Variants in KLRG1 observed in about 807,000 individuals in gnomAD.
KLRG1 encodes killer cell lectin-like receptor subfamily G member 1.
In KLRG1, 16 loss-of-function variants were observed where a neutral mutation model predicts 21.8. The ratio of observed to expected loss-of-function variants is 0.73; its 90% CI spans 0.50 to 1.11. The LOEUF (loss-of-function observed/expected upper bound fraction) is 1.11, where lower values mean the gene tolerates loss of function less well. Ranked by LOEUF, KLRG1 falls within the 50% of genes most tolerant of loss-of-function variation. The pLI, the probability that KLRG1 is intolerant of heterozygous loss-of-function variation, is 0.00. For synonymous variants in KLRG1, 69 were observed against 75.9 expected, an observed-to-expected ratio of 0.91 and a Z score of 0.47; for missense variants, 173 against 218.3, an observed-to-expected ratio of 0.79 and a Z score of 1.31.
At chr12:9,160,110 A>C in the KLRG1 span, 6 of 1,337,062 alleles carry the variant, frequency 4.5e-6, no homozygotes, top group Non-Finnish European at 6.4e-6. Flanking sequence ...TCCAGGCGCC[A>C]TGGACATTTT....
At chr12:9,015,346 G>T (rs758354797), downstream of KLRG1, among the ~76,000 whole-genome samples, 2 of 152,072 alleles carry the variant, frequency 1.3e-5, no homozygotes, top group Non-Finnish European at 2.9e-5. Context: ...ACCAAAAAGA[G>T]CAGGACTGGC....
chr12:8,981,318 A>G (rs1946751390), intron 1 of KLRG1, among the ~76,000 whole-genome samples: 1 of 150,058 alleles, frequency 6.7e-6, no homozygotes, highest in Non-Finnish European at 1.5e-5. Flanking sequence ...GTTTTAATTT[A>G]CTCTTCTTTT....
the KLRG1 span, among the ~76,000 whole-genome samples, chr12:9,042,196 T>G: frequency 6.6e-6 from 1 of 152,208 alleles, no homozygotes; most frequent in African/African-American, 2.4e-5. Flanking sequence ...TGTGATAAGG[T>G]AAAGATGGAG....
chr12:9,113,447 A>T, the KLRG1 span: 1 of 1,613,910 alleles, frequency 6.2e-7, no homozygotes, highest in South Asian at 1.1e-5. Context: ...CCAAGGAAGC[A>T]CTTACAGTCA....
At chr12:9,127,149 C>G in the KLRG1 span, among the ~76,000 whole-genome samples, 4 of 152,184 alleles carry the variant, frequency 2.6e-5, no homozygotes, top group African/African-American at 7.2e-5. Flanking sequence ...GAATGTCTGT[C>G]CAGTCCTCCT....
chr12:9,185,063 G>C, the KLRG1 span, among the ~76,000 whole-genome samples: 33 of 152,284 alleles, frequency 2.2e-4, no homozygotes, highest in Admixed American at 1.8e-3. Context: ...TCCAGCAAGG[G>C]TTCTTAATAG....
At chr12:9,180,478 C>T in the KLRG1 span, among the ~76,000 whole-genome samples, 2 of 152,136 alleles carry the variant, frequency 1.3e-5, no homozygotes, top group African/African-American at 4.8e-5. Flanking sequence ...CAGAACAGAG[C>T]CCTCAGAAAT....
chr12:8,958,846 T>C (rs1219139576), intron 1 of KLRG1, among the ~76,000 whole-genome samples: 1 of 138,132 alleles, frequency 7.2e-6, no homozygotes, highest in Non-Finnish European at 1.6e-5. Context: ...AACAGAGTGA[T>C]ACCCTGTATC....
At chr12:9,011,381 T>C (rs117686571), downstream of KLRG1, among the ~76,000 whole-genome samples, 388 of 152,346 alleles carry the variant, frequency 2.5e-3, 1 homozygote, top group Middle Eastern at 0.01. Flanking sequence ...AAATAAAGTT[T>C]GGTAAAACTA....
the KLRG1 span, among the ~76,000 whole-genome samples, chr12:9,094,375 A>ATAT: frequency 7.3e-6 from 1 of 136,300 alleles, no homozygotes; most frequent in African/African-American, 2.7e-5. Context: ...ATATATATAT[A>ATAT]CCTATACATG....
chr12:9,090,177 T>C, the KLRG1 span, among the ~76,000 whole-genome samples: 2 of 152,178 alleles, frequency 1.3e-5, no homozygotes, highest in African/African-American at 2.4e-5. Context: ...TGAATGATAC[T>C]GAGAATTCAA....
chr12:9,166,065 A>C, the KLRG1 span: 9 of 1,606,284 alleles, frequency 5.6e-6, no homozygotes, highest in Non-Finnish European at 7.6e-6. Context: ...ACTGCCACCA[A>C]CTCCCAGATC....
At chr12:9,112,822 C>G in the KLRG1 span, 1 of 388,310 alleles carries the variant, frequency 2.6e-6, no homozygotes, top group African/African-American at 2.0e-5. Context: ...CTGAGCTTTA[C>G]CAGGCTGATA....
chr12:9,122,512 A>G, the KLRG1 span, among the ~76,000 whole-genome samples: 1 of 152,228 alleles, frequency 6.6e-6, no homozygotes, highest in African/African-American at 2.4e-5. Context: ...TAATGAGGCT[A>G]ACAACAATAG....
the KLRG1 span, among the ~76,000 whole-genome samples, chr12:9,049,733 C>T: frequency 6.6e-6 from 1 of 152,118 alleles, no homozygotes; most frequent in African/African-American, 2.4e-5. Flanking sequence ...CACCCTGTGG[C>T]TATCTTTTAT....
At chr12:9,214,670 T>G in the KLRG1 span, among the ~76,000 whole-genome samples, 2 of 152,050 alleles carry the variant, frequency 1.3e-5, no homozygotes, top group Admixed American at 6.6e-5. Flanking sequence ...TACTTACCTT[T>G]TGTTGCAATG....
chr12:9,080,005 A>G, the KLRG1 span: 1 of 966,166 alleles, frequency 1.0e-6, no homozygotes, highest in Non-Finnish European at 1.5e-6. Flanking sequence ...TTAAAATTAT[A>G]GTATTATTTT....
At chr12:9,213,455 A>T in the KLRG1 span, among the ~76,000 whole-genome samples, 3 of 152,140 alleles carry the variant, frequency 2.0e-5, no homozygotes, top group Non-Finnish European at 4.4e-5. Flanking sequence ...GTGTATGAAC[A>T]TCCCATTTTC....
the KLRG1 span, among the ~76,000 whole-genome samples, chr12:9,038,407 T>C: frequency 6.6e-6 from 1 of 152,336 alleles, no homozygotes; most frequent in East Asian, 1.9e-4. Context: ...TTAATTCCAC[T>C]CTTAAGACCT....
Sources: allele counts gnomAD v4.1 joint callset (sites outside exome capture counted in the v4.1 genomes callset), GRCh38; gene constraint gnomAD v4.1.1; transcripts MANE v1.5; gene names NCBI Gene and HGNC (gene_info 2026-07-23, HGNC 2026-07-21).